The following PLD5 variants were observed in gnomAD, a reference collection of about 807,000 sequenced individuals.
The protein encoded by PLD5 is phospholipase D family member 5, also known as inactive phospholipase D5.
Under a neutral mutation model 61.1 loss-of-function variants are expected in PLD5, and 36 were observed. The observed-to-expected ratio is 0.59, with a 90% CI of 0.45 to 0.78. The LOEUF is 0.78. PLD5 is among the 30% of genes least tolerant of loss of function. The probability of loss-of-function intolerance (pLI) is 0.00; values close to 1 mark genes in which losing one functional copy is unlikely to be tolerated. For synonymous variants in PLD5, 243 were observed against 242.8 expected (o/e 1.00, Z -0.01); for missense variants, 515 against 644.4 (o/e 0.80, Z 2.17).
chr1:242,263,376 C>A (rs1290516251), intron 4 of PLD5, among the ~76,000 whole-genome samples: 1 of 151,846 alleles, frequency 6.6e-6, no homozygotes, highest in Non-Finnish European at 1.5e-5. Context: ...AAAAAGATAA[C>A]CCTTAAGCAA....
chr1:242,380,132 G>C (rs1450213375), intron 1 of PLD5, among the ~76,000 whole-genome samples: 1 of 152,156 alleles, frequency 6.6e-6, no homozygotes, highest in Non-Finnish European at 1.5e-5. Flanking sequence ...AACTATGAAA[G>C]AGAGCTAACA....
At chr1:242,102,405 T>G (rs1207573087) in intron 8 of PLD5, among the ~76,000 whole-genome samples, 1 of 152,216 alleles carries the variant, frequency 6.6e-6, no homozygotes, top group African/African-American at 2.4e-5. Context: ...TTTTATTCAC[T>G]GGTATTATTC....
chr1:242,483,076 A>C (rs988118970), intron 1 of PLD5, among the ~76,000 whole-genome samples: 6 of 152,246 alleles, frequency 3.9e-5, no homozygotes, highest in Non-Finnish European at 5.9e-5. Flanking sequence ...CATGGAAAGG[A>C]ACAGCCGGTA....
chr1:242,370,840 T>C (rs1167889213), intron 1 of PLD5, among the ~76,000 whole-genome samples: 2 of 152,174 alleles, frequency 1.3e-5, no homozygotes, highest in East Asian at 1.9e-4. Context: ...GTGAGGGCTA[T>C]TTTGGCCATC....
In PLD5 at chr1:242,394,798, ATGTG is replaced by A. The variant is rs778155451; in HGVS notation, c.190-46560_190-46557del. ...TATATGTGTATATATGTGAATATAT[ATGTG>A]TATATATGTGAATATATATACATAT... On this transcript the variant is annotated intron_variant, in intron 1 of 9. Coordinates refer to ENST00000536534, the MANE Select transcript of PLD5 (RefSeq NM_001372062.1). Among the ~76,000 whole-genome samples, 32 of 71,340 alleles carry A rather than the reference ATGTG, an allele frequency of 4.5e-4. 6 individuals carry two copies. The highest frequency in any genetic ancestry group is 7.1e-4 in the Non-Finnish European group (27 of 38,288). 46.8% of individuals were successfully genotyped at this position (71,340 alleles called of 152,430 possible). A position where few individuals can be genotyped will look rare whatever the true frequency, so the allele number is the denominator to read the frequency against.
At chr1:242,311,741 C>T (rs1235816085) in intron 2 of PLD5, among the ~76,000 whole-genome samples, 1 of 152,104 alleles carries the variant, frequency 6.6e-6, no homozygotes, top group African/African-American at 2.4e-5. Context: ...TGCATTTGTA[C>T]ATTTATGTCT....
intron 2 of PLD5, among the ~76,000 whole-genome samples, chr1:242,291,587 A>T (rs571952476): frequency 3.2e-4 from 48 of 152,214 alleles, no homozygotes; most frequent in African/African-American, 1.1e-3. Flanking sequence ...CGGGCGGATC[A>T]TGAGGTCAGG....
Position 242,168,875 on chromosome 1 carries a change from C to T in PLD5, c.736-44210G>A, listed in dbSNP as rs542453289. Among the ~76,000 whole-genome samples the T allele has an allele frequency of 7.7e-5, 7 of 90,912 alleles. No individual in the cohort carries two copies. The South Asian group carries it at 2.8e-3, about 36-fold the overall frequency. 59.6% of individuals were successfully genotyped at this position (90,912 alleles called of 152,430 possible). A position where few individuals can be genotyped will look rare whatever the true frequency, so the allele number is the denominator to read the frequency against. The stretch of plus-strand genomic sequence containing the variant: ...TTTTTTTTTTTTTTTTTACCACCCC[C>T]CATGATTCCATTACTGAATGTTCAG... On this transcript the variant is annotated intron_variant, in intron 5 of 9. Coordinates refer to ENST00000536534, the MANE Select transcript of PLD5 (RefSeq NM_001372062.1).
Position 242,356,860 on chromosome 1 carries a change from A to T in PLD5, c.190-8618T>A, listed in dbSNP as rs536824812. Among the ~76,000 whole-genome samples, 4 of 152,200 alleles carry T rather than the reference A, an allele frequency of 2.6e-5. No homozygotes were observed. In the East Asian group the frequency reaches 5.8e-4, roughly 22 times the overall value. On this transcript the variant is annotated intron_variant, in intron 1 of 9. Coordinates refer to ENST00000536534, the MANE Select transcript of PLD5 (RefSeq NM_001372062.1). ...TTTTATGCTTTTGATGTCCAAATTAACATTTTATAATATATATCTCCTGAC... is the reference window on the plus strand; with the variant it reads ...TTTTATGCTTTTGATGTCCAAATTATCATTTTATAATATATATCTCCTGAC...
intron 5 of PLD5, among the ~76,000 whole-genome samples, chr1:242,128,742 T>C (rs1663001755): frequency 6.6e-6 from 1 of 152,038 alleles, no homozygotes; most frequent in South Asian, 2.1e-4. Flanking sequence ...GAGAGACCAA[T>C]ATGGCCTAGT....
chr1:242,158,979 G>A (rs898884517), intron 5 of PLD5, among the ~76,000 whole-genome samples: 1 of 151,962 alleles, frequency 6.6e-6, no homozygotes, highest in Non-Finnish European at 1.5e-5. Context: ...ATCAGTTTTA[G>A]CATGTTATCC....
chr1:242,219,973 AC>A lies in PLD5; in HGVS notation c.735+14del, dbSNP rs747591361. 128 of 1,609,006 alleles carry A rather than the reference AC, an allele frequency of 8.0e-5. No individual in the cohort carries two copies. Among genetic ancestry groups the A allele is most frequent in the Non-Finnish European group, 9.8e-5 (115 of 1,175,772 alleles). ...GGTGACAGAACATTGAGTTTACATA[AC>A]GTAGAAAGCTTACCTGTCCCAGGGA... On this transcript the variant is annotated intron_variant, in intron 5 of 9. Transcript: ENST00000536534.
intron 1 of PLD5, among the ~76,000 whole-genome samples, chr1:242,402,333 G>A (rs1192795353): frequency 6.6e-6 from 1 of 152,092 alleles, no homozygotes; most frequent in Non-Finnish European, 1.5e-5. Context: ...GACCTTCACT[G>A]CATTAATGAG....
intron 2 of PLD5, among the ~76,000 whole-genome samples, chr1:242,292,990 C>T (rs1675453613): frequency 6.6e-6 from 1 of 152,098 alleles, no homozygotes; most frequent in Admixed American, 6.6e-5. Flanking sequence ...CAAAGGGGTC[C>T]ATGGCTAAAA....
chr1:242,191,370 G>T lies in PLD5; in HGVS notation c.735+28618C>A, dbSNP rs531762768. Among the ~76,000 whole-genome samples the T allele has an allele frequency of 1.3e-3, 195 of 152,286 alleles. 1 individual carries two copies. The highest frequency in any genetic ancestry group is 4.5e-3 in the African/African-American group (187 of 41,558). Reference sequence around the variant, plus strand: ...GAAGGCCATGGCAGGTGGATCACTTGAGGTCAGGAGTTTGAGACTAGCCTG... The same window carrying T: ...GAAGGCCATGGCAGGTGGATCACTTTAGGTCAGGAGTTTGAGACTAGCCTG... On this transcript the variant is annotated intron_variant, in intron 5 of 9. Transcript: ENST00000536534.
chr1:242,298,676 G>T (rs543116279), intron 2 of PLD5, among the ~76,000 whole-genome samples: 25 of 152,292 alleles, frequency 1.6e-4, no homozygotes, highest in Non-Finnish European at 3.7e-4. Flanking sequence ...TGCTTATCCT[G>T]TCTGGAGAAG....
At chr1:242,380,679 T>C (rs1177667474) in intron 1 of PLD5, among the ~76,000 whole-genome samples, 6 of 151,164 alleles carry the variant, frequency 4.0e-5, no homozygotes, top group Non-Finnish European at 7.4e-5. Context: ...CCAGAGTCTA[T>C]AAGAAACTTA....
At chr1:242,375,348 C>A (rs941212835) in intron 1 of PLD5, among the ~76,000 whole-genome samples, 1 of 152,202 alleles carries the variant, frequency 6.6e-6, no homozygotes, top group Non-Finnish European at 1.5e-5. Flanking sequence ...ATCCAGTTTT[C>A]TTTAGAAAGG....
chr1:242,307,936 T>C (rs926708865), intron 2 of PLD5, among the ~76,000 whole-genome samples: 1 of 147,960 alleles, frequency 6.8e-6, no homozygotes, highest in African/African-American at 2.7e-5. Context: ...GGATATAATT[T>C]CTCTACTTGA....
Sources: gnomAD v4.1 joint callset for allele counts (sites outside exome capture counted in the v4.1 genomes callset) on GRCh38, gnomAD v4.1.1 for gene constraint, MANE v1.5 for transcripts, NCBI Gene and HGNC (gene_info 2026-07-23, HGNC 2026-07-21) for gene names.